The following IKZF3 variants were observed in gnomAD, a reference collection of about 807,000 sequenced individuals.
The protein encoded by IKZF3 is zinc finger protein Aiolos.
A neutral mutation model predicts 49.0 loss-of-function variants in IKZF3; 10 were observed. The ratio of observed to expected loss-of-function variants is 0.20; its 90% CI spans 0.13 to 0.35. IKZF3 has a LOEUF of 0.35. Among genes scored for constraint, IKZF3 ranks in the 10% least tolerant of loss-of-function variants. IKZF3 has a pLI of 1.00. For synonymous variants in IKZF3, 209 were observed against 228.2 expected, an observed-to-expected ratio of 0.92 and a Z score of 0.76; for missense variants, 498 against 664.8, an observed-to-expected ratio of 0.75 and a Z score of 2.76.
At chr17:39,813,501 A>G (rs2061609208) in intron 3 of IKZF3, among the ~76,000 whole-genome samples, 1 of 151,538 alleles carries the variant, frequency 6.6e-6, no homozygotes, top group Admixed American at 6.6e-5. Flanking sequence ...AAAATTAGCC[A>G]TGCATGGTGG....
chr17:39,831,682 G>A (rs74800057), intron 2 of IKZF3, among the ~76,000 whole-genome samples: 11 of 152,044 alleles, frequency 7.2e-5, no homozygotes, highest in Non-Finnish European at 4.4e-5. Context: ...AAAATAATAC[G>A]TGACAGAGAC....
chr17:39,792,659 A>G lies in IKZF3; in HGVS notation c.424+14T>C. 6.2e-7 allele frequency: 1 copy of G among 1,602,300 alleles called. No individual in the cohort carries two copies. The highest frequency in any genetic ancestry group is 1.1e-5 in the South Asian group (1 of 89,430). The stretch of plus-strand genomic sequence containing the variant: ...GGAGAGTTTTCAGAAGAATGAAAAA[A>G]GCAGACTATTTACCAGTATGGCTTC... On this transcript the variant is annotated intron_variant, in intron 4 of 7. Coordinates refer to ENST00000346872, the MANE Select transcript of IKZF3 (RefSeq NM_012481.5).
chr17:39,782,207 C>T (rs2060760014), intron 6 of IKZF3, among the ~76,000 whole-genome samples: 1 of 152,176 alleles, frequency 6.6e-6, no homozygotes, highest in Non-Finnish European at 1.5e-5. Flanking sequence ...TTGCCTCACA[C>T]TTGTTGGATA....
intron 7 of IKZF3, among the ~76,000 whole-genome samples, chr17:39,767,403 G>A (rs897612174): frequency 1.3e-5 from 2 of 152,160 alleles, no homozygotes; most frequent in Admixed American, 1.3e-4. Flanking sequence ...GGCAGGGATG[G>A]GGACTGCAGT....
rs145190271 is a variant in IKZF3, at chr17:39,775,937, A to G, written c.826+1714T>C. On this transcript the variant is annotated intron_variant, in intron 7 of 7. Coordinates refer to ENST00000346872, the MANE Select transcript of IKZF3 (RefSeq NM_012481.5). ...GAAACTCTGTCTCAAAAAAAAAAAA[A>G]AAAGAAAGAAAGAAAGAAATGAAGT... is the stretch of plus-strand genomic sequence containing the variant. Among the ~76,000 whole-genome samples, 362 of 151,354 alleles carry G rather than the reference A, an allele frequency of 2.4e-3. 1 individual carries two copies. The highest frequency in any genetic ancestry group is 7.4e-3 in the African/African-American group (305 of 41,384).
intron 1 of IKZF3, among the ~76,000 whole-genome samples, chr17:39,846,698 C>T (rs1206247646): frequency 6.6e-6 from 1 of 151,884 alleles, no homozygotes; most frequent in Non-Finnish European, 1.5e-5. Context: ...CAAAAATGTA[C>T]AATCATGTTT....
chr17:39,836,527 T>C (rs1477041274), intron 1 of IKZF3, among the ~76,000 whole-genome samples: 1 of 152,204 alleles, frequency 6.6e-6, no homozygotes. Flanking sequence ...GTTTAATAAA[T>C]GTTAATTAAA....
Position 39,823,952 on chromosome 17 carries a change from C to T in IKZF3, c.163+5435G>A, listed in dbSNP as rs138712243. 3.0e-4 allele frequency among the ~76,000 whole-genome samples: 45 copies of T among 152,226 alleles called. 1 individual carries two copies. The highest frequency in any genetic ancestry group is 8.4e-4 in the African/African-American group (35 of 41,530). ...CCATGCAGAGTCCCCACTGGAACAC[C>T]GTGTAGTGGAGCTGTTAGAAGAGGG... On this transcript the variant is annotated intron_variant, in intron 3 of 7. Transcript: ENST00000346872.
intron 1 of IKZF3, among the ~76,000 whole-genome samples, chr17:39,854,190 A>G (rs1444998847): frequency 1.3e-5 from 2 of 152,180 alleles, no homozygotes; most frequent in African/African-American, 4.8e-5. Flanking sequence ...ATAATATTCT[A>G]TATTTCAAAA....
intron 6 of IKZF3, chr17:39,778,122 C>T (rs1352656535): frequency 9.9e-7 from 1 of 1,005,034 alleles, no homozygotes; most frequent in Non-Finnish European, 1.2e-6. Context: ...TTCTGAGTAA[C>T]TGCGTGTGAC....
chr17:39,861,993 T>C (rs1424693927), intron 1 of IKZF3, among the ~76,000 whole-genome samples: 1 of 152,224 alleles, frequency 6.6e-6, no homozygotes, highest in Non-Finnish European at 1.5e-5. Flanking sequence ...GTGAAATTCA[T>C]GTTTGTGAAC....
intron 3 of IKZF3, among the ~76,000 whole-genome samples, chr17:39,815,756 G>A (rs923687091): frequency 2.0e-5 from 3 of 152,158 alleles, no homozygotes; most frequent in South Asian, 2.1e-4. Context: ...TCACTAAGAG[G>A]AAGAGAAATA....
In IKZF3 at chr17:39,763,184, A is replaced by C. The variant is rs2060218417; in HGVS notation, c.*2606T>G. 6.6e-6 allele frequency: 1 copy of C among 152,224 alleles called. No homozygotes were observed. Among genetic ancestry groups the C allele is most frequent in the African/African-American group, 2.4e-5 (1 of 41,464 alleles). 9.4% of individuals were successfully genotyped at this position (152,224 alleles called of 1,614,324 possible). ...TCCATTCCTTTAGCTGAAGTCTCAA[A>C]CATGTTGGGACTGTTGCCATGGAAT... On this transcript the variant is annotated 3_prime_UTR_variant, in exon 8 of 8. Transcript: ENST00000346872.
intron 1 of IKZF3, among the ~76,000 whole-genome samples, chr17:39,863,422 C>A (rs192531643): frequency 2.6e-5 from 4 of 151,998 alleles, no homozygotes; most frequent in Non-Finnish European, 1.5e-5. Flanking sequence ...CATCCCCCCC[C>A]GAGTTGAGAT....
At chr17:39,839,665 C>G (rs2062407993) in intron 1 of IKZF3, 2 of 324,474 alleles carry the variant, frequency 6.2e-6, no homozygotes, top group Admixed American at 9.5e-5. Flanking sequence ...CCCTCTTCAT[C>G]CCAGGCTCAA....
At chr17:39,796,459 A>G (rs1364910283) in intron 3 of IKZF3, among the ~76,000 whole-genome samples, 2 of 150,286 alleles carry the variant, frequency 1.3e-5, no homozygotes, top group Non-Finnish European at 3.0e-5. Flanking sequence ...CTAGGTGCCA[A>G]CTCCTCTTTT....
intron 3 of IKZF3, among the ~76,000 whole-genome samples, chr17:39,815,243 T>C (rs538288950): frequency 4.6e-5 from 7 of 152,242 alleles, no homozygotes; most frequent in Non-Finnish European, 1.0e-4. Flanking sequence ...GAAGAAGGAC[T>C]GAAACAAAAA....
chr17:39,822,872 G>A (rs111907649), intron 3 of IKZF3, among the ~76,000 whole-genome samples: 3,658 of 152,198 alleles, frequency 0.024, 62 homozygotes, highest in Non-Finnish European at 0.037. Context: ...ATGAGCCACC[G>A]TGCCCAGCTG....
chr17:39,847,348 C>T (rs946187406), intron 1 of IKZF3, among the ~76,000 whole-genome samples: 5 of 152,162 alleles, frequency 3.3e-5, no homozygotes, highest in Non-Finnish European at 7.4e-5. Context: ...ACCTCTCCTT[C>T]CTCTGCCATC....
Sources: gnomAD v4.1 joint callset for allele counts (sites outside exome capture counted in the v4.1 genomes callset) on GRCh38, gnomAD v4.1.1 for gene constraint, MANE v1.5 for transcripts, NCBI Gene and HGNC (gene_info 2026-07-23, HGNC 2026-07-21) for gene names.